The following REXO5 variants were observed in gnomAD, a reference collection of about 807,000 sequenced individuals.
REXO5 encodes RNA exonuclease 5, also known as exonuclease NEF-sp.
REXO5 carries 48 observed loss-of-function variants against 88.5 expected under a neutral mutation model. The ratio of observed to expected loss-of-function variants is 0.54; its 90% CI spans 0.43 to 0.69. REXO5 has a LOEUF of 0.69. Ranked by LOEUF, REXO5 falls within the 30% of genes least tolerant of loss-of-function variation. The pLI is 0.00. For missense variants in REXO5, 749 were observed against 912.2 expected (o/e 0.82, Z 2.30); for synonymous variants, 311 against 336.5 (o/e 0.92, Z 0.83).
intron 5 of REXO5, among the ~76,000 whole-genome samples, chr16:20,821,502 G>A (rs2081185119): frequency 1.3e-5 from 2 of 152,070 alleles, no homozygotes; most frequent in Admixed American, 1.3e-4. Context: ...ATGTTAGCCA[G>A]GATGGATGGT....
At chr16:20,824,639 T>C in intron 7 of REXO5, 112 bp downstream of exon 7, 1 of 704,632 alleles carries the variant, frequency 1.4e-6, no homozygotes, top group Non-Finnish European at 2.5e-6. Flanking sequence ...TTTAGTATTC[T>C]GTTTTAATAG....
chr16:20,840,255 T>A, intron 14 of REXO5, 76 bp from the exon 15 acceptor site: 1 of 1,264,106 alleles, frequency 7.9e-7, no homozygotes, highest in Non-Finnish European at 1.1e-6. Flanking sequence ...TGGTGAATAA[T>A]CCCATGCATT....
chr16:20,809,895 G>A (rs1462395408), intron 2 of REXO5, among the ~76,000 whole-genome samples: 3 of 152,100 alleles, frequency 2.0e-5, no homozygotes, highest in African/African-American at 7.2e-5. Context: ...AAACACTTTG[G>A]GCTTATGCAT....
rs753404905 is a variant in REXO5 at position 20,839,755 on chromosome 16, G to A, written c.1384G>A (p.Val462Ile). ...QTIKCLSNKEVLEQARVEIPL... is the reference protein window; with the variant it reads ...QTIKCLSNKEILEQARVEIPL... Reference sequence around the variant, plus strand: ...ATCCAGGCTGTGCTGTTCTCTACAGGTTCTTGAGCAGGCCAGAGTGGAAAT... The same window carrying A: ...ATCCAGGCTGTGCTGTTCTCTACAGATTCTTGAGCAGGCCAGAGTGGAAAT... The change falls in exon 14 of 20, where the codon GTT becomes ATT. Residue 462 changes from valine to isoleucine, a missense_variant and splice_region_variant. Coordinates refer to ENST00000261377, the MANE Select transcript of REXO5 (RefSeq NM_030941.3). The A allele has an allele frequency of 6.2e-7, 1 of 1,612,008 alleles. No individual in the cohort carries two copies.
At chr16:20,829,469 T>C (rs2081308320) in intron 11 of REXO5, among the ~76,000 whole-genome samples, 1 of 152,224 alleles carries the variant, frequency 6.6e-6, no homozygotes, top group African/African-American at 2.4e-5. Context: ...CATTCTAACC[T>C]ATTAGATTGT....
chr16:20,846,947 T>A (rs914513080), intron 19 of REXO5, among the ~76,000 whole-genome samples: 3 of 152,180 alleles, frequency 2.0e-5, no homozygotes, highest in African/African-American at 7.2e-5. Context: ...AACCCTTTCT[T>A]TAAAGAAAAA....
intron 19 of REXO5, among the ~76,000 whole-genome samples, chr16:20,847,179 G>A (rs943803032): frequency 2.0e-4 from 31 of 151,794 alleles, no homozygotes; most frequent in African/African-American, 7.0e-4. Flanking sequence ...GAAGGCCAAG[G>A]TGAGCGGAGC....
At chr16:20,828,374 G>C (rs770000149) in intron 10 of REXO5, 61 bp from the exon 11 acceptor site, 3 of 977,118 alleles carry the variant, frequency 3.1e-6, no homozygotes, top group Non-Finnish European at 5.0e-6. Flanking sequence ...CACTTGAGAT[G>C]GTTGAAAAAG....
intron 15 of REXO5, 102 bp downstream of exon 15, chr16:20,840,570 T>C: frequency 9.3e-7 from 1 of 1,071,716 alleles, no homozygotes; most frequent in Non-Finnish European, 1.3e-6. Context: ...GTAAGCTTGA[T>C]TGCTACCAAC....
In REXO5 at chr16:20,824,422, C is replaced by T; in HGVS notation, c.617-17C>T. On this transcript the variant is annotated splice_polypyrimidine_tract_variant and intron_variant, in intron 6 of 19. Coordinates refer to ENST00000261377, the MANE Select transcript of REXO5 (RefSeq NM_030941.3). ...TCTCTATTCTAAAGGCAAACATTTTCTTCCTTTTTCTCCTAGGTTTTCCTG... is the reference window on the plus strand; with the variant it reads ...TCTCTATTCTAAAGGCAAACATTTTTTTCCTTTTTCTCCTAGGTTTTCCTG... 1 of 1,461,574 alleles carries T rather than the reference C, an allele frequency of 6.8e-7. No individual in the cohort carries two copies. The highest frequency in any genetic ancestry group is 9.6e-7 in the Non-Finnish European group (1 of 1,044,834). 90.5% of individuals were successfully genotyped at this position (1,461,574 alleles called of 1,614,324 possible). A position where few individuals can be genotyped will look rare whatever the true frequency, so the allele number is the denominator to read the frequency against.
chr16:20,839,403 T>C (rs1356224702), intron 13 of REXO5, among the ~76,000 whole-genome samples: 3 of 151,860 alleles, frequency 2.0e-5, no homozygotes, highest in Admixed American at 6.6e-5. Context: ...CTATTAAGCC[T>C]CCTCTCCCTT....
intron 7 of REXO5, chr16:20,825,629 A>G (rs1435864566): frequency 5.5e-6 from 3 of 549,088 alleles, no homozygotes; most frequent in Non-Finnish European, 9.7e-6. Context: ...TGCAGACTAC[A>G]CTGTGTTGAT....
chr16:20,849,542 G>A lies in REXO5; in HGVS notation c.*62G>A, dbSNP rs1279585728. The A allele has an allele frequency of 9.5e-6, 14 of 1,478,238 alleles. No individual in the cohort carries two copies. The highest frequency in any genetic ancestry group is 1.3e-5 in the Non-Finnish European group (14 of 1,057,086). The allele number at this position is 1,478,238 out of a possible 1,614,324, so 91.6% of individuals were successfully genotyped here. On this transcript the variant is annotated 3_prime_UTR_variant, in exon 20 of 20. Transcript: ENST00000261377. Reference sequence around the variant, plus strand: ...CCTTGTAGGCAATGGCAAAGAATGTGGTCAGGCTGTAGCCTCCCCAACCAG... The same window carrying A: ...CCTTGTAGGCAATGGCAAAGAATGTAGTCAGGCTGTAGCCTCCCCAACCAG...
At chr16:20,847,627 AACAAGTATTAGGTGCTT>A (rs1485348139) in intron 19 of REXO5, among the ~76,000 whole-genome samples, 1 of 152,176 alleles carries the variant, frequency 6.6e-6, no homozygotes, top group Non-Finnish European at 1.5e-5. Context: ...GAAAAGCAGA[AACAAGTATTAGGTGCTT>A]ACATTGAGGG....
In REXO5 at chr16:20,845,079, G is replaced by A; in HGVS notation, c.1962G>A (p.Gln654=). Residue 654 remains glutamine, a synonymous_variant, in exon 18 of 20, where the codon CAG becomes CAA. Coordinates refer to ENST00000261377, the MANE Select transcript of REXO5 (RefSeq NM_030941.3). ...AATTCAAAAGTTTTGGCAGTGCCCA[G>A]CAGGCCCTCAACATTCTCACAGGCA... is the stretch of plus-strand genomic sequence containing the variant. ...FLKFKSFGSA[Q]QALNILTGKD... The A allele has an allele frequency of 6.2e-7, 1 of 1,614,060 alleles. No individual in the cohort carries two copies. Among genetic ancestry groups the A allele is most frequent in the Non-Finnish European group, 8.5e-7 (1 of 1,179,978 alleles).
intron 7 of REXO5, chr16:20,825,608 C>A: frequency 2.1e-6 from 1 of 472,524 alleles, no homozygotes; most frequent in Non-Finnish European, 3.7e-6. Context: ...TATTTGCATT[C>A]ATCTTCTTTG....
intron 18 of REXO5, 34 bp from the exon 19 acceptor site, chr16:20,846,187 C>G: frequency 8.5e-6 from 13 of 1,530,878 alleles, no homozygotes; most frequent in Non-Finnish European, 1.2e-5. Flanking sequence ...AGAGAGTGTT[C>G]TGGCTGAGTA....
intron 12 of REXO5, among the ~76,000 whole-genome samples, chr16:20,832,697 A>G (rs577636083): frequency 2.0e-5 from 3 of 152,146 alleles, no homozygotes; most frequent in African/African-American, 7.2e-5. Flanking sequence ...AATTTTGCCT[A>G]ATCTTTTGAT....
In REXO5 at chr16:20,849,484, G is replaced by A. The variant is rs201735118; in HGVS notation, c.*4G>A. 52 of 1,613,676 alleles carry A rather than the reference G, an allele frequency of 3.2e-5. No individual in the cohort carries two copies. In the African/African-American group the frequency reaches 3.3e-4, roughly 10 times the overall value. On this transcript the variant is annotated 3_prime_UTR_variant, in exon 20 of 20. Coordinates refer to ENST00000261377, the MANE Select transcript of REXO5 (RefSeq NM_030941.3). ...TGGCCCAGGCCTGTGTTCGTGAGTC[G>A]GCCTGCCATGTTTCCATGTGCCATT...
Sources: gnomAD v4.1 joint callset for allele counts (sites outside exome capture counted in the v4.1 genomes callset) on GRCh38, gnomAD v4.1.1 for gene constraint, MANE v1.5 for transcripts, NCBI Gene and HGNC (gene_info 2026-07-23, HGNC 2026-07-21) for gene names.